Variants in PDE3B observed in about 807,000 individuals in gnomAD.
PDE3B encodes the protein cGMP-inhibited 3',5'-cyclic phosphodiesterase 3B.
In PDE3B, 66 loss-of-function variants were observed where a neutral mutation model predicts 116.8. The observed-to-expected ratio is 0.56, with a 90% CI of 0.46 to 0.69. The LOEUF (loss-of-function observed/expected upper bound fraction) is 0.69. Among genes scored for constraint, PDE3B ranks in the 30% least tolerant of loss-of-function variants. The probability of loss-of-function intolerance (pLI) is 0.00; values close to 1 mark genes in which losing one functional copy is unlikely to be tolerated. For synonymous variants in PDE3B, 595 were observed against 533.6 expected, an observed-to-expected ratio of 1.12 and a Z score of -1.59; for missense variants, 1,384 against 1,368.1, an observed-to-expected ratio of 1.01 and a Z score of -0.18.
intron 4 of PDE3B, among the ~76,000 whole-genome samples, chr11:14,800,974 G>A (rs1858742602): frequency 6.6e-6 from 1 of 151,924 alleles, no homozygotes; most frequent in African/African-American, 2.4e-5. Context: ...GCCTCACGAA[G>A]TTCTCGTGCT....
chr11:14,680,780 C>CAAAAAAAA (rs5789847), intron 1 of PDE3B, among the ~76,000 whole-genome samples: 1 of 143,744 alleles, frequency 7.0e-6, no homozygotes. Context: ...GAAATGACTT[C>CAAAAAAAA]AAAAAAAAAA....
intron 1 of PDE3B, among the ~76,000 whole-genome samples, chr11:14,694,431 C>T (rs193088878): frequency 9.4e-4 from 143 of 152,296 alleles, no homozygotes; most frequent in African/African-American, 3.1e-3. Context: ...GCCACCCTGC[C>T]TTCAGCAACC....
At chr11:14,718,629 G>A (rs1308995236) in intron 1 of PDE3B, among the ~76,000 whole-genome samples, 8 of 149,812 alleles carry the variant, frequency 5.3e-5, no homozygotes, top group African/African-American at 1.5e-4. Context: ...ACTCAAAACC[G>A]CTCAACTACA....
chr11:14,805,781 AATAG>A (rs886425524), intron 5 of PDE3B, among the ~76,000 whole-genome samples: 16 of 152,244 alleles, frequency 1.1e-4, no homozygotes, highest in African/African-American at 3.6e-4. Context: ...GGTAAGGCTA[AATAG>A]ATGGGTGAGG....
rs1192632775 is a variant in PDE3B, at chr11:14,644,699, G to T, written c.624G>T (p.Leu208=). ...LLVLSCVGLL[L]TLAHPLRLRH... ...TGCTGAGCTGCGTAGGGCTGCTGCT[G>T]ACGCTCGCGCACCCGCTGCGGCTCC... is the stretch of plus-strand genomic sequence containing the variant. The change falls in exon 1 of 16, where the codon CTG becomes CTT. Residue 208 remains leucine, a synonymous_variant. Transcript: ENST00000282096. 4.6e-6 allele frequency: 7 copies of T among 1,519,722 alleles called. No homozygotes were observed. The highest frequency in any genetic ancestry group is 6.2e-6 in the Non-Finnish European group (7 of 1,136,192). The allele number at this position is 1,519,722 out of a possible 1,614,324, so 94.1% of individuals were successfully genotyped here.
At chr11:14,898,592 C>T in the PDE3B span, among the ~76,000 whole-genome samples, 3 of 152,110 alleles carry the variant, frequency 2.0e-5, no homozygotes, top group Non-Finnish European at 4.4e-5. Flanking sequence ...ATTTTACATA[C>T]GGATGTGGAA....
At chr11:14,650,093 C>G (rs1853528856) in intron 1 of PDE3B, among the ~76,000 whole-genome samples, 1 of 151,740 alleles carries the variant, frequency 6.6e-6, no homozygotes, top group Non-Finnish European at 1.5e-5. Context: ...TTCCTTCTGG[C>G]ATTGATTTAC....
chr11:14,688,495 A>G (rs895137119), intron 1 of PDE3B, among the ~76,000 whole-genome samples: 5 of 152,166 alleles, frequency 3.3e-5, no homozygotes, highest in Admixed American at 6.5e-5. Context: ...GGAGAGGGCT[A>G]CATGACTGAA....
At chr11:14,735,995 T>TGTGA (rs1554987391) in intron 1 of PDE3B, among the ~76,000 whole-genome samples, 9 of 151,436 alleles carry the variant, frequency 5.9e-5, no homozygotes, top group African/African-American at 1.7e-4. Flanking sequence ...TGTGTGTGTG[T>TGTGA]GACTCCTTAT....
At chr11:14,856,709 C>G (rs1249208576) in intron 12 of PDE3B, among the ~76,000 whole-genome samples, 1 of 152,054 alleles carries the variant, frequency 6.6e-6, no homozygotes, top group African/African-American at 2.4e-5. Context: ...AGAAAATTAG[C>G]TGGGCGTGGT....
chr11:14,847,941 C>G (rs1847648492), intron 12 of PDE3B, among the ~76,000 whole-genome samples: 1 of 152,154 alleles, frequency 6.6e-6, no homozygotes, highest in Non-Finnish European at 1.5e-5. Context: ...CCTTCTGAAA[C>G]TATTCCAATC....
chr11:14,749,832 AATATATAT>A (rs1240792174), intron 1 of PDE3B, among the ~76,000 whole-genome samples: 1 of 140,822 alleles, frequency 7.1e-6, no homozygotes, highest in African/African-American at 2.6e-5. Context: ...ATATCCCATA[AATATATAT>A]ATATTTATTT....
At chr11:14,815,579 A>G (rs1389502633) in intron 5 of PDE3B, among the ~76,000 whole-genome samples, 1 of 152,172 alleles carries the variant, frequency 6.6e-6, no homozygotes, top group Non-Finnish European at 1.5e-5. Flanking sequence ...TCATGGAGCT[A>G]GCAAGAAGAA....
At chr11:14,710,536 T>G (rs762794399) in intron 1 of PDE3B, among the ~76,000 whole-genome samples, 1 of 152,182 alleles carries the variant, frequency 6.6e-6, no homozygotes, top group South Asian at 2.1e-4. Context: ...AGGATTGATA[T>G]ACAGGGAATG....
chr11:14,834,377 A>G (rs11023347), intron 10 of PDE3B, among the ~76,000 whole-genome samples: 4,775 of 152,314 alleles, frequency 0.031, 107 homozygotes, highest in Non-Finnish European at 0.049. Context: ...ATAAAACTAG[A>G]TACCAAAGTA....
chr11:14,819,013 T>G, intron 6 of PDE3B, 123 bp from the exon 7 acceptor site: 1 of 555,516 alleles, frequency 1.8e-6, no homozygotes, highest in African/African-American at 1.9e-5. Context: ...ATGGAGAGAT[T>G]GGAATTTTAG....
chr11:14,847,594 C>G (rs1013806037), intron 12 of PDE3B, among the ~76,000 whole-genome samples: 2 of 151,640 alleles, frequency 1.3e-5, no homozygotes, highest in Non-Finnish European at 2.9e-5. Context: ...AGACCGCTAG[C>G]AAGACTAATA....
At chr11:14,695,912 C>T (rs888810847) in intron 1 of PDE3B, among the ~76,000 whole-genome samples, 2 of 152,100 alleles carry the variant, frequency 1.3e-5, no homozygotes, top group African/African-American at 4.8e-5. Flanking sequence ...TCCAGTCTAT[C>T]ATTGATGGGC....
At chr11:14,690,530 T>G (rs1855014987) in intron 1 of PDE3B, among the ~76,000 whole-genome samples, 1 of 152,074 alleles carries the variant, frequency 6.6e-6, no homozygotes, top group Non-Finnish European at 1.5e-5. Flanking sequence ...TGGATTCTTG[T>G]GATGTTTATG....
Sources: allele counts gnomAD v4.1 joint callset (sites outside exome capture counted in the v4.1 genomes callset), GRCh38; gene constraint gnomAD v4.1.1; transcripts MANE v1.5; gene names NCBI Gene and HGNC (gene_info 2026-07-23, HGNC 2026-07-21).